SEC63: variants seen among roughly 807,000 people sequenced by gnomAD.
SEC63 encodes translocation protein SEC63 homolog.
Under a neutral mutation model 116.2 loss-of-function variants are expected in SEC63, and 56 were observed. The ratio of observed to expected loss-of-function variants is 0.48; its 90% CI spans 0.39 to 0.60. The LOEUF (loss-of-function observed/expected upper bound fraction) is 0.60, where lower values mean the gene tolerates loss of function less well. SEC63 is among the 20% of genes least tolerant of loss of function. The pLI is 0.00. For missense variants in SEC63, 668 were observed against 900.0 expected, an observed-to-expected ratio of 0.74 and a Z score of 3.30; for synonymous variants, 273 against 294.6, an observed-to-expected ratio of 0.93 and a Z score of 0.75.
chr6:107,950,668 G>C (rs1770563614), intron 1 of SEC63, among the ~76,000 whole-genome samples: 1 of 152,160 alleles, frequency 6.6e-6, no homozygotes, highest in Non-Finnish European at 1.5e-5. Flanking sequence ...GAAACACACG[G>C]AAGTTAAATA....
At chr6:107,925,710 C>T (rs1787660136) in intron 2 of SEC63, among the ~76,000 whole-genome samples, 1 of 152,124 alleles carries the variant, frequency 6.6e-6, no homozygotes, top group African/African-American at 2.4e-5. Context: ...ATTAAAAGCC[C>T]TAAAGAAATA....
chr6:107,894,928 G>A (rs1188126893), intron 14 of SEC63, among the ~76,000 whole-genome samples: 2 of 152,056 alleles, frequency 1.3e-5, no homozygotes, highest in Non-Finnish European at 2.9e-5. Context: ...ACTGGAACAT[G>A]ACCACACCCA....
chr6:107,918,515 A>C (rs61586448), intron 4 of SEC63, among the ~76,000 whole-genome samples: 6,053 of 152,016 alleles, frequency 0.04, 394 homozygotes, highest in African/African-American at 0.14. Context: ...ACCAACATAA[A>C]ACCCTGTCTC....
rs187484374 is a variant in SEC63 at position 107,957,573 on chromosome 6, A to G, written c.124+313T>C. On this transcript the variant is annotated intron_variant, in intron 1 of 20. Coordinates refer to ENST00000369002, the MANE Select transcript of SEC63 (RefSeq NM_007214.5). ...CCCAAGTCCCCATCCCGCTTCCTCC[A>G]TAAAGAAAAATCCCCAATAAAAGCA... 77 of 202,732 alleles carry G rather than the reference A, an allele frequency of 3.8e-4. 1 individual carries two copies. The highest frequency in any genetic ancestry group is 1.6e-3 in the African/African-American group (70 of 43,140). 12.6% of individuals were successfully genotyped at this position (202,732 alleles called of 1,614,324 possible). A position where few individuals can be genotyped will look rare whatever the true frequency, so the allele number is the denominator to read the frequency against.
rs545716049 is a variant in SEC63 at position 107,938,803 on chromosome 6, C to T, written c.125-9289G>A. ...AACTCCTGACCTCAAGTTCCACCCA[C>T]CTTGGCCTCCCAAAGTGCTGGGATT... On this transcript the variant is annotated intron_variant, in intron 1 of 20. Coordinates refer to ENST00000369002, the MANE Select transcript of SEC63 (RefSeq NM_007214.5). 2.6e-5 allele frequency among the ~76,000 whole-genome samples: 4 copies of T among 152,310 alleles called. No individual in the cohort carries two copies. In the East Asian group the frequency reaches 7.7e-4, roughly 29 times the overall value.
At chr6:107,872,514 A>G (rs1786158810) in intron 20 of SEC63, among the ~76,000 whole-genome samples, 1 of 151,916 alleles carries the variant, frequency 6.6e-6, no homozygotes, top group Admixed American at 6.6e-5. Flanking sequence ...AAAAAAAAAA[A>G]GTGCCTTTCT....
chr6:107,897,528 A>G, intron 14 of SEC63, 121 bp downstream of exon 14: 1 of 749,456 alleles, frequency 1.3e-6, no homozygotes, highest in South Asian at 1.5e-5. Flanking sequence ...AAAAGAGTTA[A>G]CAGAATTTGC....
chr6:107,916,438 T>C (rs1787400936), intron 4 of SEC63, among the ~76,000 whole-genome samples: 1 of 152,246 alleles, frequency 6.6e-6, no homozygotes, highest in South Asian at 2.1e-4. Context: ...ATAGTCAATA[T>C]CCTCTACTAA....
intron 4 of SEC63, among the ~76,000 whole-genome samples, chr6:107,918,430 G>T (rs1787465342): frequency 6.6e-6 from 1 of 152,082 alleles, no homozygotes; most frequent in African/African-American, 2.4e-5. Context: ...TTAAGAAATA[G>T]TAAGACTTGC....
chr6:107,944,646 G>A (rs976749967), intron 1 of SEC63, among the ~76,000 whole-genome samples: 10 of 151,894 alleles, frequency 6.6e-5, no homozygotes, highest in Admixed American at 4.6e-4. Flanking sequence ...GCAGTGAGCC[G>A]CGATCACACC....
In SEC63 at chr6:107,958,124, T is replaced by TCTCCTCCCCGCCC; in HGVS notation, c.-128_-116dup. ...TAGCTTGGACACTGCCGCCGCCGCC[T>TCTCCTCCCCGCCC]CTCCTCCCCGCCCCCACGCCACTCT... is the stretch of plus-strand genomic sequence containing the variant. On this transcript the variant is annotated 5_prime_UTR_variant, in exon 1 of 21. Transcript: ENST00000369002. The TCTCCTCCCCGCCC allele has an allele frequency of 6.7e-7, 1 of 1,487,288 alleles. No individual in the cohort carries two copies. The highest frequency in any genetic ancestry group is 9.2e-7 in the Non-Finnish European group (1 of 1,090,148). The allele number at this position is 1,487,288 out of a possible 1,614,324, so 92.1% of individuals were successfully genotyped here.
In SEC63 at chr6:107,893,502, C is replaced by T; in HGVS notation, c.1654G>A (p.Ala552Thr). The T allele has an allele frequency of 1.2e-6, 2 of 1,613,042 alleles. No individual in the cohort carries two copies. Among genetic ancestry groups the T allele is most frequent in the Non-Finnish European group, 1.7e-6 (2 of 1,179,886 alleles). ...PQSKQQKQKQ[A>T]NGVVGNEAAV... Reference sequence around the variant, plus strand: ...CTTACATTCCCAACGACTCCATTTGCCTGCTTTTGTTTCTGTTGCTTTGAC... The same window carrying T: ...CTTACATTCCCAACGACTCCATTTGTCTGCTTTTGTTTCTGTTGCTTTGAC... The change falls in exon 16 of 21, where the codon GCA (alanine) becomes ACA (threonine). Residue 552 changes from alanine to threonine, a missense_variant. By Grantham distance (58) the Ala-to-Thr change is moderately conservative. Coordinates refer to ENST00000369002, the MANE Select transcript of SEC63 (RefSeq NM_007214.5).
intron 2 of SEC63, among the ~76,000 whole-genome samples, chr6:107,926,375 G>A (rs1787677472): frequency 6.6e-6 from 1 of 152,068 alleles, no homozygotes; most frequent in Admixed American, 6.6e-5. Context: ...GTTAGACAAA[G>A]ACATCAAATG....
intron 13 of SEC63, among the ~76,000 whole-genome samples, chr6:107,899,374 T>G (rs1286843759): frequency 6.6e-6 from 1 of 152,162 alleles, no homozygotes; most frequent in Admixed American, 6.5e-5. Flanking sequence ...ACTCTTAAAT[T>G]TCTACTTTCT....
chr6:107,900,128 G>T (rs1479967906), intron 13 of SEC63, among the ~76,000 whole-genome samples: 2 of 151,950 alleles, frequency 1.3e-5, no homozygotes, highest in Admixed American at 1.3e-4. Flanking sequence ...TGTCATTCAC[G>T]TTAACACTTA....
intron 14 of SEC63, among the ~76,000 whole-genome samples, chr6:107,896,101 C>A (rs923073301): frequency 6.6e-6 from 1 of 152,006 alleles, no homozygotes; most frequent in Admixed American, 6.6e-5. Flanking sequence ...AGGAGGCGGA[C>A]GTTGCAGTGA....
rs1219736287 is a variant in SEC63 at position 107,910,396 on chromosome 6, A to G, written c.624+950T>C. On this transcript the variant is annotated intron_variant, in intron 7 of 20. Coordinates refer to ENST00000369002, the MANE Select transcript of SEC63 (RefSeq NM_007214.5). ...GTGGGAGGATTTGCTTGAACCCAGG[A>G]GGTAGAGGCTGCAGAGAGCCATGTT... 2.0e-5 allele frequency among the ~76,000 whole-genome samples: 3 copies of G among 152,226 alleles called. No homozygotes were observed. In the East Asian group the frequency reaches 5.8e-4, roughly 29 times the overall value.
intron 2 of SEC63, among the ~76,000 whole-genome samples, chr6:107,928,253 C>T (rs1423096608): frequency 6.6e-6 from 1 of 152,076 alleles, no homozygotes; most frequent in Non-Finnish European, 1.5e-5. Context: ...GAGGCCGAGG[C>T]AGGCAGACCA....
chr6:107,902,434 T>C (rs977648912), intron 12 of SEC63, among the ~76,000 whole-genome samples: 3 of 152,186 alleles, frequency 2.0e-5, no homozygotes, highest in African/African-American at 7.2e-5. Context: ...ATGTTTATAC[T>C]ATAGATTATA....
Sources: allele counts gnomAD v4.1 joint callset (sites outside exome capture counted in the v4.1 genomes callset), GRCh38; gene constraint gnomAD v4.1.1; transcripts MANE v1.5; gene names NCBI Gene and HGNC (gene_info 2026-07-23, HGNC 2026-07-21).